SIPA1L3: variants seen among roughly 807,000 people sequenced by gnomAD.
SIPA1L3 encodes signal induced proliferation associated 1 like 3, also known as signal-induced proliferation-associated 1-like protein 3.
A neutral mutation model predicts 150.1 loss-of-function variants in SIPA1L3; 59 were observed. That is an observed-to-expected ratio of 0.39 (90% confidence interval 0.32 to 0.49). The LOEUF is 0.49. SIPA1L3 is among the 20% of genes least tolerant of loss of function. The pLI is 0.86. For synonymous variants in SIPA1L3, 1,070 were observed against 1,077.6 expected, an observed-to-expected ratio of 0.99 and a Z score of 0.14; for missense variants, 2,211 against 2,489.5, an observed-to-expected ratio of 0.89 and a Z score of 2.38.
chr19:37,999,071 C>T (rs1967719354), intron 1 of SIPA1L3, among the ~76,000 whole-genome samples: 1 of 152,048 alleles, frequency 6.6e-6, no homozygotes, highest in South Asian at 2.1e-4. Context: ...GATCCTGCTG[C>T]CCACAGACAG....
intron 16 of SIPA1L3, among the ~76,000 whole-genome samples, chr19:38,190,433 A>G (rs1011821878): frequency 2.0e-5 from 3 of 152,202 alleles, no homozygotes; most frequent in Non-Finnish European, 4.4e-5. Context: ...TAACTGACAG[A>G]CCCAGCATTA....
At chr19:37,959,021 C>T (rs1265286909) in intron 1 of SIPA1L3, among the ~76,000 whole-genome samples, 4 of 152,178 alleles carry the variant, frequency 2.6e-5, no homozygotes, top group Non-Finnish European at 4.4e-5. Flanking sequence ...AAATGATGGG[C>T]AATAACAAGT....
intron 16 of SIPA1L3, among the ~76,000 whole-genome samples, chr19:38,188,561 T>G (rs536089472): frequency 1.3e-5 from 2 of 152,212 alleles, no homozygotes; most frequent in Admixed American, 1.3e-4. Flanking sequence ...TTTTCTTCAC[T>G]GAGGTTTTGA....
intron 1 of SIPA1L3, among the ~76,000 whole-genome samples, chr19:37,915,412 C>T (rs767277521): frequency 5.3e-5 from 8 of 151,912 alleles, no homozygotes; most frequent in Non-Finnish European, 8.8e-5. Flanking sequence ...GTCAGAGGCT[C>T]GCTCTGTTGC....
At chr19:38,017,611 A>G (rs1968268706) in intron 1 of SIPA1L3, among the ~76,000 whole-genome samples, 1 of 150,518 alleles carries the variant, frequency 6.6e-6, no homozygotes, top group African/African-American at 2.5e-5. Context: ...TGCAGTCTCG[A>G]ACTCCTGGGC....
intron 1 of SIPA1L3, among the ~76,000 whole-genome samples, chr19:38,020,913 G>A (rs1051455653): frequency 7.2e-5 from 11 of 151,984 alleles, no homozygotes; most frequent in African/African-American, 2.7e-4. Flanking sequence ...CAATTCTCCT[G>A]TCTCAGCCTC....
At chr19:38,035,920 G>A (rs772429755) in intron 2 of SIPA1L3, among the ~76,000 whole-genome samples, 14 of 152,172 alleles carry the variant, frequency 9.2e-5, no homozygotes, top group African/African-American at 2.7e-4. Flanking sequence ...GTGAGGGGTC[G>A]CCCTGCACCC....
At chr19:37,920,440 A>G (rs1209571183) in intron 1 of SIPA1L3, among the ~76,000 whole-genome samples, 1 of 152,202 alleles carries the variant, frequency 6.6e-6, no homozygotes, top group Non-Finnish European at 1.5e-5. Context: ...CTTCAAAATA[A>G]TATAGACAGG....
intron 12 of SIPA1L3, among the ~76,000 whole-genome samples, chr19:38,148,033 A>G (rs561045861): frequency 2.0e-5 from 3 of 147,520 alleles, no homozygotes; most frequent in Non-Finnish European, 4.5e-5. Flanking sequence ...ACAGAGTGAG[A>G]CTCTGTCCCA....
intron 1 of SIPA1L3, among the ~76,000 whole-genome samples, chr19:37,962,703 G>T (rs566677688): frequency 6.6e-6 from 1 of 151,888 alleles, no homozygotes; most frequent in African/African-American, 2.4e-5. Context: ...TCTTGTCCAG[G>T]CTGGTCTCAG....
At chr19:38,060,068 C>T (rs899324376) in intron 2 of SIPA1L3, among the ~76,000 whole-genome samples, 15 of 152,206 alleles carry the variant, frequency 9.9e-5, no homozygotes, top group Admixed American at 5.2e-4. Context: ...AGCCACCGCA[C>T]GTGACCAGAA....
intron 4 of SIPA1L3, among the ~76,000 whole-genome samples, chr19:38,092,982 C>G (rs1970295758): frequency 6.6e-6 from 1 of 151,752 alleles, no homozygotes. Flanking sequence ...GCCTCAGCCT[C>G]CTGAGTAGCT....
At chr19:38,133,610 A>G (rs1053098895) in intron 10 of SIPA1L3, among the ~76,000 whole-genome samples, 7 of 152,154 alleles carry the variant, frequency 4.6e-5, no homozygotes, top group Non-Finnish European at 8.8e-5. Flanking sequence ...CAAACAGTAA[A>G]CAAGTAAATG....
chr19:38,057,945 A>C (rs767862052), intron 2 of SIPA1L3, among the ~76,000 whole-genome samples: 6 of 152,132 alleles, frequency 3.9e-5, no homozygotes, highest in Non-Finnish European at 4.4e-5. Flanking sequence ...TACAGGCCTG[A>C]GCCACCATGC....
At chr19:38,019,489 C>T (rs1350715456) in intron 1 of SIPA1L3, among the ~76,000 whole-genome samples, 3 of 152,176 alleles carry the variant, frequency 2.0e-5, no homozygotes, top group Non-Finnish European at 2.9e-5. Context: ...TTGTATTTAC[C>T]TTGCATTGGC....
At chr19:37,949,345 C>G (rs1286350249) in intron 1 of SIPA1L3, among the ~76,000 whole-genome samples, 1 of 152,176 alleles carries the variant, frequency 6.6e-6, no homozygotes, top group East Asian at 1.9e-4. Context: ...CCACCCGTGC[C>G]TGTGTACATG....
intron 20 of SIPA1L3, 186 bp from the exon 21 acceptor site, chr19:38,203,941 G>A (rs1973146111): frequency 1.7e-6 from 1 of 586,486 alleles, no homozygotes; most frequent in Admixed American, 3.0e-5. Context: ...CCACAGAGGT[G>A]CCCTTGGTGG....
At chr19:38,203,098 G>T (rs974747280) in intron 20 of SIPA1L3, among the ~76,000 whole-genome samples, 1 of 152,170 alleles carries the variant, frequency 6.6e-6, no homozygotes, top group African/African-American at 2.4e-5. Context: ...AGCAATTTTT[G>T]AGGGTAATTT....
intron 2 of SIPA1L3, among the ~76,000 whole-genome samples, chr19:38,070,474 C>T (rs988602148): frequency 5.9e-5 from 9 of 152,198 alleles, no homozygotes; most frequent in African/African-American, 2.2e-4. Flanking sequence ...GGGGCACAGT[C>T]TGTCCTGCTC....
Sources: gnomAD v4.1 joint callset for allele counts (sites outside exome capture counted in the v4.1 genomes callset) on GRCh38, gnomAD v4.1.1 for gene constraint, MANE v1.5 for transcripts, NCBI Gene and HGNC (gene_info 2026-07-23, HGNC 2026-07-21) for gene names.